The following TRIM55 variants were observed in gnomAD, a reference collection of about 807,000 sequenced individuals.
TRIM55 encodes tripartite motif containing 55, also known as tripartite motif-containing protein 55.
TRIM55 carries 50 observed loss-of-function variants against 60.9 expected under a neutral mutation model. That is an observed-to-expected ratio of 0.82 (90% CI 0.65 to 1.04). The LOEUF (loss-of-function observed/expected upper bound fraction) is 1.04, where lower values mean the gene tolerates loss of function less well. Among genes scored for constraint, TRIM55 ranks in the 50% least tolerant of loss-of-function variants. The probability of loss-of-function intolerance (pLI) is 0.00; values close to 1 mark genes in which losing one functional copy is unlikely to be tolerated. For missense variants in TRIM55, 681 were observed against 666.9 expected (o/e 1.02, Z -0.23); for synonymous variants, 237 against 238.1 (o/e 1.00, Z 0.04).
intron 9 of TRIM55, among the ~76,000 whole-genome samples, chr8:66,163,699 T>A (rs1451230865): frequency 1.3e-5 from 2 of 152,262 alleles, no homozygotes; most frequent in Non-Finnish European, 2.9e-5. Flanking sequence ...CAGAATGTGA[T>A]CAACCTTGGT....
intron 9 of TRIM55, among the ~76,000 whole-genome samples, chr8:66,166,294 G>A (rs975149508): frequency 1.4e-4 from 22 of 152,200 alleles, no homozygotes; most frequent in Non-Finnish European, 2.5e-4. Flanking sequence ...GGCAATCTGT[G>A]CCTACAACTC....
At chr8:66,131,420 G>C (rs1455847921) in intron 2 of TRIM55, among the ~76,000 whole-genome samples, 1 of 152,068 alleles carries the variant, frequency 6.6e-6, no homozygotes, top group African/African-American at 2.4e-5. Flanking sequence ...CATACTACTG[G>C]TATGCTCCTA....
intron 9 of TRIM55, among the ~76,000 whole-genome samples, chr8:66,172,868 TAA>T (rs948665351): frequency 6.6e-6 from 1 of 152,260 alleles, no homozygotes; most frequent in African/African-American, 2.4e-5. Flanking sequence ...ATTGAATGGT[TAA>T]AAATAAGTCT....
intron 4 of TRIM55, among the ~76,000 whole-genome samples, chr8:66,140,671 G>A (rs1809755353): frequency 6.6e-6 from 1 of 152,264 alleles, no homozygotes; most frequent in African/African-American, 2.4e-5. Context: ...TGCAAGGCAG[G>A]ACAACATGCA....
chr8:66,127,468 G>C (rs759258723), intron 1 of TRIM55, 32 bp downstream of exon 1: 2 of 1,608,708 alleles, frequency 1.2e-6, no homozygotes, highest in Admixed American at 1.7e-5. Flanking sequence ...TTGAGGGGAG[G>C]GGGTGGAAAA....
the TRIM55 span, among the ~76,000 whole-genome samples, chr8:66,114,239 G>A: frequency 4.6e-5 from 7 of 152,240 alleles, no homozygotes; most frequent in African/African-American, 7.2e-5. Context: ...GAGAGGTAGC[G>A]GGATCGATGC....
upstream of TRIM55, chr8:66,127,109 T>C (rs1808849868): frequency 4.1e-6 from 3 of 726,460 alleles, no homozygotes; most frequent in Non-Finnish European, 6.5e-6. Flanking sequence ...TAAAAACAGC[T>C]CCAGCACCCA....
intron 9 of TRIM55, among the ~76,000 whole-genome samples, chr8:66,161,089 T>C (rs988246448): frequency 3.5e-4 from 54 of 152,150 alleles, no homozygotes; most frequent in African/African-American, 1.3e-3. Flanking sequence ...TCATGAAGTC[T>C]TTTCCTAAGC....
chr8:66,172,405 T>TGCTATTGGATAACCCCC (rs1811692186), intron 9 of TRIM55, among the ~76,000 whole-genome samples: 1 of 152,184 alleles, frequency 6.6e-6, no homozygotes, highest in African/African-American at 2.4e-5. Context: ...GGATAACCTC[T>TGCTATTGGATAACCCCC]GCTATTGGAT....
rs35422649 is a variant in TRIM55 at position 66,160,356 on chromosome 8, GGTGT to G, written c.1524+6049_1524+6052del. Among the ~76,000 whole-genome samples the G allele has an allele frequency of 3.6e-4, 52 of 146,036 alleles. 1 individual carries two copies. The highest frequency in any genetic ancestry group is 2.0e-3 in the East Asian group (10 of 5,028). On this transcript the variant is annotated intron_variant, in intron 9 of 9. Coordinates refer to ENST00000315962, the MANE Select transcript of TRIM55 (RefSeq NM_184085.2). ...TTTTTATGGCTGAGTAGTATTCCAT[GGTGT>G]GTGTGTGTGTGTGTGTGTGTGTGTG... is the stretch of plus-strand genomic sequence containing the variant.
At position 66,154,172 on chromosome 8, in the gene TRIM55, C is replaced by G. The variant is rs372688745; in HGVS notation, c.1362C>G (p.Thr454=). 3.8e-5 allele frequency: 61 copies of G among 1,613,996 alleles called. 1 individual carries two copies. The highest frequency in any genetic ancestry group is 5.0e-5 in the Admixed American group (3 of 59,994). ...SWYKGQTRKA[T]TNPPCTPGSE... ...ATAAAGGCCAAACCCGGAAAGCCAC[C>G]ACCAACCCACCTTGCACCCCAGGGA... The change falls in exon 9 of 10, where the codon ACC becomes ACG. Residue 454 remains threonine, a synonymous_variant. Coordinates refer to ENST00000315962, the MANE Select transcript of TRIM55 (RefSeq NM_184085.2).
chr8:66,171,905 A>G (rs1811658857), intron 9 of TRIM55, among the ~76,000 whole-genome samples: 1 of 152,210 alleles, frequency 6.6e-6, no homozygotes, highest in Non-Finnish European at 1.5e-5. Flanking sequence ...GAAGGGATTA[A>G]ATCATAGAAA....
intron 7 of TRIM55, among the ~76,000 whole-genome samples, chr8:66,152,033 A>G (rs962423191): frequency 6.6e-6 from 1 of 152,174 alleles, no homozygotes. Context: ...GACAGAGATA[A>G]ATAAGTGACA....
At chr8:66,172,200 A>C (rs12543727) in intron 9 of TRIM55, among the ~76,000 whole-genome samples, 1 of 152,152 alleles carries the variant, frequency 6.6e-6, no homozygotes, top group Non-Finnish European at 1.5e-5. Context: ...TCTCATCTCT[A>C]TTTTACAGAA....
At chr8:66,140,386 GC>G (rs1401738278) in intron 4 of TRIM55, among the ~76,000 whole-genome samples, 1 of 152,220 alleles carries the variant, frequency 6.6e-6, no homozygotes, top group Non-Finnish European at 1.5e-5. Context: ...TTAATAACCA[GC>G]AAAATAAAGA....
intron 4 of TRIM55, among the ~76,000 whole-genome samples, chr8:66,137,486 G>T (rs1809547360): frequency 6.6e-6 from 1 of 152,226 alleles, no homozygotes; most frequent in Non-Finnish European, 1.5e-5. Context: ...ATGGAAATCA[G>T]TGTTGTTGCT....
chr8:66,127,146 C>A lies in TRIM55; in HGVS notation c.-123C>A. 9.1e-7 allele frequency: 1 copy of A among 1,096,556 alleles called. No individual in the cohort carries two copies. Among genetic ancestry groups the A allele is most frequent in the Non-Finnish European group, 1.3e-6 (1 of 780,282 alleles). 67.9% of individuals were successfully genotyped at this position (1,096,556 alleles called of 1,614,324 possible). On this transcript the variant is annotated 5_prime_UTR_variant, in exon 1 of 10. Transcript: ENST00000315962. Reference sequence around the variant, plus strand: ...TCCAAACCAGGGCCTGAAACAATGTCCTCCACCGAGAGAAACGTAAAGGAC... The same window carrying A: ...TCCAAACCAGGGCCTGAAACAATGTACTCCACCGAGAGAAACGTAAAGGAC...
intron 9 of TRIM55, among the ~76,000 whole-genome samples, chr8:66,158,029 C>CA (rs1810840731): frequency 6.6e-6 from 1 of 152,038 alleles, no homozygotes; most frequent in Non-Finnish European, 1.5e-5. Flanking sequence ...TCAAAGGCCC[C>CA]AGTTTCCTTG....
chr8:66,154,007 T>C (rs567013308), intron 8 of TRIM55, 40 bp from the exon 9 acceptor site: 23,615 of 1,552,236 alleles, frequency 0.015, 232 homozygotes, highest in Non-Finnish European at 0.017. Context: ...CTTCTTCTTT[T>C]TTTTTTTCTT....
Sources: gnomAD v4.1 joint callset for allele counts (sites outside exome capture counted in the v4.1 genomes callset) on GRCh38, gnomAD v4.1.1 for gene constraint, MANE v1.5 for transcripts, NCBI Gene and HGNC (gene_info 2026-07-23, HGNC 2026-07-21) for gene names.